The following FUT8 variants were observed in gnomAD, a reference collection of about 807,000 sequenced individuals.
FUT8 encodes the protein alpha-(1,6)-fucosyltransferase.
In FUT8, 29 loss-of-function variants were observed where a neutral mutation model predicts 71.3. That is an observed-to-expected ratio of 0.41 (90% CI 0.30 to 0.55). The LOEUF (loss-of-function observed/expected upper bound fraction) is 0.55. Ranked by LOEUF, FUT8 falls within the 20% of genes least tolerant of loss-of-function variation. The pLI, the probability that FUT8 is intolerant of heterozygous loss-of-function variation, is 0.34. For synonymous variants in FUT8, 254 were observed against 239.3 expected (o/e 1.06, Z -0.57); for missense variants, 544 against 702.1 (o/e 0.77, Z 2.55).
intron 2 of FUT8, among the ~76,000 whole-genome samples, chr14:65,485,601 G>T (rs1035779857): frequency 6.6e-6 from 1 of 152,168 alleles, no homozygotes; most frequent in African/African-American, 2.4e-5. Context: ...AATTCTTTCA[G>T]ATGTTTTTTT....
intron 7 of FUT8, among the ~76,000 whole-genome samples, chr14:65,673,522 A>G (rs922897025): frequency 2.6e-5 from 4 of 152,196 alleles, no homozygotes; most frequent in Non-Finnish European, 4.4e-5. Flanking sequence ...ATGATTTTTA[A>G]GCTGAGACCT....
rs530291677 is a variant in FUT8 at position 65,643,463 on chromosome 14, G to T, written c.597+13857G>T. Among the ~76,000 whole-genome samples the T allele has an allele frequency of 1.3e-5, 2 of 152,004 alleles. No individual in the cohort carries two copies. Among genetic ancestry groups the T allele is most frequent in the Non-Finnish European group, 2.9e-5 (2 of 68,008 alleles). On this transcript the variant is annotated intron_variant, in intron 6 of 10. Transcript: ENST00000673929. This position sits in a 1 kb window ranked among gnomAD's most constrained non-coding sequence, Gnocchi z 4.5. ...AGGTCAGGAGATCGAGACCATCCTG[G>T]CTAACATGGTGAAACCCTGTCTCTA...
chr14:65,373,358 A>AAGCAGAAGAGTGGCAGAGTGACAG, the FUT8 span, among the ~76,000 whole-genome samples: 3 of 151,042 alleles, frequency 2.0e-5, no homozygotes, highest in African/African-American at 7.3e-5. Context: ...CAGGCTCCAC[A>AAGCAGAAGAGTGGCAGAGTGACAG]AGCAGAAGAG....
At chr14:65,421,464 C>T (rs958928869) in intron 1 of FUT8, among the ~76,000 whole-genome samples, 1 of 152,130 alleles carries the variant, frequency 6.6e-6, no homozygotes, top group Non-Finnish European at 1.5e-5. Flanking sequence ...TCTCTGAAAA[C>T]ATTTCCATAT....
intron 2 of FUT8, among the ~76,000 whole-genome samples, chr14:65,542,984 G>A (rs577349383): frequency 7.7e-4 from 117 of 152,192 alleles, no homozygotes; most frequent in African/African-American, 2.6e-3. Context: ...GTTTCACCAT[G>A]TTGGTCAGGC....
At chr14:65,392,419 T>G in the FUT8 span, among the ~76,000 whole-genome samples, 1 of 152,230 alleles carries the variant, frequency 6.6e-6, no homozygotes, top group Non-Finnish European at 1.5e-5. Context: ...AATCCGTGGC[T>G]CATTATGCAA....
upstream of FUT8, among the ~76,000 whole-genome samples, chr14:65,406,499 T>TTTTTC (rs755277017): frequency 6.4e-4 from 98 of 152,326 alleles, no homozygotes; most frequent in African/African-American, 1.2e-3. Context: ...GCTTGTTTTC[T>TTTTTC]TTTTCTTTTC....
chr14:65,725,558 C>T (rs1895638362), intron 9 of FUT8, among the ~76,000 whole-genome samples: 1 of 152,172 alleles, frequency 6.6e-6, no homozygotes, highest in Non-Finnish European at 1.5e-5. Context: ...GATACTATCT[C>T]CTCCAGAAGT....
At chr14:65,473,507 T>C (rs1256823166) in intron 2 of FUT8, among the ~76,000 whole-genome samples, 2 of 152,206 alleles carry the variant, frequency 1.3e-5, no homozygotes, top group Non-Finnish European at 2.9e-5. Flanking sequence ...GTTTACACAG[T>C]TTTATTCCCA....
At chr14:65,508,298 T>G (rs1015490797) in intron 2 of FUT8, among the ~76,000 whole-genome samples, 2 of 151,764 alleles carry the variant, frequency 1.3e-5, no homozygotes, top group African/African-American at 4.8e-5. Context: ...GGTCTCAAAC[T>G]CCTGAGCTCA....
chr14:65,592,405 A>G (rs1805774152), intron 3 of FUT8, among the ~76,000 whole-genome samples: 1 of 152,034 alleles, frequency 6.6e-6, no homozygotes, highest in South Asian at 2.1e-4. Flanking sequence ...GAGAATACCT[A>G]AGTGGTGAGG....
intron 3 of FUT8, among the ~76,000 whole-genome samples, chr14:65,590,750 CCTG>C (rs1363720199): frequency 6.6e-6 from 1 of 152,118 alleles, no homozygotes; most frequent in Non-Finnish European, 1.5e-5. Flanking sequence ...TTTCTAGTCT[CCTG>C]GTATTTGTTG....
intron 7 of FUT8, among the ~76,000 whole-genome samples, chr14:65,704,117 A>C (rs1894445408): frequency 6.6e-6 from 1 of 152,188 alleles, no homozygotes; most frequent in Admixed American, 6.5e-5. Flanking sequence ...AAAAATTACA[A>C]ATAGCCTTAA....
At chr14:65,637,483 A>G (rs150759985) in intron 6 of FUT8, among the ~76,000 whole-genome samples, 260 of 152,332 alleles carry the variant, frequency 1.7e-3, no homozygotes, top group Non-Finnish European at 2.9e-3. Flanking sequence ...TCTCTGATAT[A>G]CGAAAATGGA....
rs184421367 is a variant in FUT8 at position 65,638,325 on chromosome 14, C to T, written c.597+8719C>T. Among the ~76,000 whole-genome samples, 63 of 152,274 alleles carry T rather than the reference C, an allele frequency of 4.1e-4. No individual in the cohort carries two copies. The highest frequency in any genetic ancestry group is 1.4e-3 in the African/African-American group (60 of 41,564). ...CTTCCCAAAGTGTTGCAATCACAGG[C>T]GTGAGCCACTGTGTCCGGCCAGAAA... On this transcript the variant is annotated intron_variant, in intron 6 of 10. Transcript: ENST00000673929. The surrounding 1 kb of genome is among the most constrained non-coding windows in gnomAD (Gnocchi z 4.5).
chr14:65,713,163 C>T (rs577438607), intron 7 of FUT8, among the ~76,000 whole-genome samples: 1 of 152,294 alleles, frequency 6.6e-6, no homozygotes, highest in South Asian at 2.1e-4. Context: ...CCAAGTTTGT[C>T]TTTCTGTGCC....
intron 2 of FUT8, among the ~76,000 whole-genome samples, chr14:65,524,877 T>G (rs1883338640): frequency 6.6e-6 from 1 of 152,224 alleles, no homozygotes; most frequent in African/African-American, 2.4e-5. Flanking sequence ...GGATTATGTT[T>G]ATTGATTTAT....
intron 2 of FUT8, among the ~76,000 whole-genome samples, chr14:65,496,680 T>G (rs1465234201): frequency 6.6e-6 from 1 of 152,172 alleles, no homozygotes; most frequent in African/African-American, 2.4e-5. Flanking sequence ...CATGCAGAAC[T>G]GTGAGTCAAT....
chr14:65,592,011 A>G (rs1332731412), intron 3 of FUT8, among the ~76,000 whole-genome samples: 1 of 152,142 alleles, frequency 6.6e-6, no homozygotes, highest in African/African-American at 2.4e-5. Flanking sequence ...GGAATAAACA[A>G]AAGGACATTG....
Sources: allele counts gnomAD v4.1 joint callset (sites outside exome capture counted in the v4.1 genomes callset), GRCh38; gene constraint gnomAD v4.1.1; non-coding constraint Gnocchi (gnomAD v3.1); transcripts MANE v1.5; gene names NCBI Gene and HGNC (gene_info 2026-07-23, HGNC 2026-07-21).